Variants in IGFBP5 observed in about 807,000 individuals in gnomAD.
IGFBP5 encodes insulin like growth factor binding protein 5, also known as insulin-like growth factor-binding protein 5.
IGFBP5 carries 12 observed loss-of-function variants against 28.0 expected under a neutral mutation model. That is an observed-to-expected ratio of 0.43 (90% CI 0.27 to 0.69). The LOEUF (loss-of-function observed/expected upper bound fraction) is 0.69, where lower values mean the gene tolerates loss of function less well. Among genes scored for constraint, IGFBP5 ranks in the 30% least tolerant of loss-of-function variants. IGFBP5 has a pLI of 0.20. For synonymous variants in IGFBP5, 152 were observed against 150.2 expected (o/e 1.01, Z -0.09); for missense variants, 344 against 381.6 (o/e 0.90, Z 0.82).
Position 216,674,685 on chromosome 2 carries a change from A to T in IGFBP5, c.*2066T>A, listed in dbSNP as rs956261124. Reference sequence around the variant, plus strand: ...CACAAGGCCACCCATTGGTTGAGGAAGTCATTGGAGAATGGGAGTTTCGGA... The same window carrying T: ...CACAAGGCCACCCATTGGTTGAGGATGTCATTGGAGAATGGGAGTTTCGGA... On this transcript the variant is annotated 3_prime_UTR_variant, in exon 4 of 4. Coordinates refer to ENST00000233813, the MANE Select transcript of IGFBP5 (RefSeq NM_000599.4). This position sits in a 1 kb window ranked among gnomAD's most constrained non-coding sequence, Gnocchi z 4.4. 6.6e-6 allele frequency: 1 copy of T among 152,190 alleles called. No homozygotes were observed. Among genetic ancestry groups the T allele is most frequent in the Non-Finnish European group, 1.5e-5 (1 of 68,058 alleles). 9.4% of individuals were successfully genotyped at this position (152,190 alleles called of 1,614,324 possible).
chr2:216,690,284 G>A (rs1044935168), intron 1 of IGFBP5, among the ~76,000 whole-genome samples: 3 of 152,070 alleles, frequency 2.0e-5, no homozygotes, highest in Non-Finnish European at 4.4e-5. Context: ...TTGACTCAAC[G>A]CAGCCATTCT....
At chr2:216,690,909 G>T (rs1385149973) in intron 1 of IGFBP5, among the ~76,000 whole-genome samples, 1 of 133,382 alleles carries the variant, frequency 7.5e-6, no homozygotes, top group Non-Finnish European at 1.6e-5. Context: ...GGGCGGGGGC[G>T]GTGGGCGGAG....
intron 1 of IGFBP5, among the ~76,000 whole-genome samples, chr2:216,688,833 G>C (rs1221056330): frequency 6.6e-6 from 1 of 152,164 alleles, no homozygotes; most frequent in Non-Finnish European, 1.5e-5. Flanking sequence ...TATCTTATCT[G>C]CCTCCTTCCT....
Position 216,684,884 on chromosome 2 carries a change from C to T in IGFBP5, c.338-5805G>A, listed in dbSNP as rs532919212. On this transcript the variant is annotated intron_variant, in intron 1 of 3. Coordinates refer to ENST00000233813, the MANE Select transcript of IGFBP5 (RefSeq NM_000599.4). ...CTGCCCTGGAGCAAGATAACCCTGC[C>T]GCAGGGCACAGGGAAGCAGACAGAT... Among the ~76,000 whole-genome samples the T allele has an allele frequency of 1.3e-3, 197 of 152,286 alleles. 2 individuals carry two copies. Among genetic ancestry groups the T allele is most frequent in the Middle Eastern group, 3.4e-3 (1 of 294 alleles).
At position 216,695,091 on chromosome 2, in the gene IGFBP5, G is replaced by GA. The variant is rs377766227; in HGVS notation, c.-317dup. On this transcript the variant is annotated 5_prime_UTR_variant, in exon 1 of 4. Coordinates refer to ENST00000233813, the MANE Select transcript of IGFBP5 (RefSeq NM_000599.4). ...GCCTGAGCGGGTCAGAATTATAGGG[G>GA]AAAAAAAGCCACAAAATTGTTCACC... 1.9e-5 allele frequency: 5 copies of GA among 259,928 alleles called. No individual in the cohort carries two copies. Among genetic ancestry groups the GA allele is most frequent in the Non-Finnish European group, 3.6e-5 (5 of 138,558 alleles). The allele number at this position is 259,928 out of a possible 1,614,324, so 16.1% of individuals were successfully genotyped here. A position where few individuals can be genotyped will look rare whatever the true frequency, so the allele number is the denominator to read the frequency against.
Position 216,682,382 on chromosome 2 carries a change from G to A in IGFBP5, c.338-3303C>T, listed in dbSNP as rs181619323. Among the ~76,000 whole-genome samples the A allele has an allele frequency of 2.5e-3, 375 of 152,292 alleles. 2 individuals carry two copies. The highest frequency in any genetic ancestry group is 8.7e-3 in the African/African-American group (360 of 41,560). On this transcript the variant is annotated intron_variant, in intron 1 of 3. Transcript: ENST00000233813. The stretch of plus-strand genomic sequence containing the variant: ...GCTGAGTGCCAGAAGCAGCCAGCCC[G>A]ACTCAGCTGCTCTGTGGCTGAGTCA...
At position 216,694,802 on chromosome 2, in the gene IGFBP5, G is replaced by A. The variant is rs1689148909; in HGVS notation, c.-27C>T. 1.2e-5 allele frequency: 17 copies of A among 1,371,838 alleles called. No individual in the cohort carries two copies. Among genetic ancestry groups the A allele is most frequent in the Non-Finnish European group, 1.4e-5 (15 of 1,063,350 alleles). 85.0% of individuals were successfully genotyped at this position (1,371,838 alleles called of 1,614,324 possible). On this transcript the variant is annotated 5_prime_UTR_variant, in exon 1 of 4. Transcript: ENST00000233813. This position sits in a 1 kb window ranked among gnomAD's most constrained non-coding sequence, Gnocchi z 5.2. ...TTCTCTTAGTCGCCCCCTTTACCTC[G>A]GGGTGGGGCAGGAGAGCGAGAGTGC...
rs2106226424 is a variant in IGFBP5 at position 216,692,185 on chromosome 2, C to T, written c.337+2254G>A. On this transcript the variant is annotated intron_variant, in intron 1 of 3. Coordinates refer to ENST00000233813, the MANE Select transcript of IGFBP5 (RefSeq NM_000599.4). The surrounding 1 kb of genome is among the most constrained non-coding windows in gnomAD (Gnocchi z 4.2). ...ACCAGCAGCGGTGGAGCGCCGCCAACCCGCAACAGCAGCCGGCCGGGCACC... is the reference window on the plus strand; with the variant it reads ...ACCAGCAGCGGTGGAGCGCCGCCAATCCGCAACAGCAGCCGGCCGGGCACC... Among the ~76,000 whole-genome samples, 1 of 152,192 alleles carries T rather than the reference C, an allele frequency of 6.6e-6. No homozygotes were observed. Among genetic ancestry groups the T allele is most frequent in the African/African-American group, 2.4e-5 (1 of 41,532 alleles).
rs1210621044 is a variant in IGFBP5, at chr2:216,679,248, G to A, written c.338-169C>T. On this transcript the variant is annotated intron_variant, in intron 1 of 3. Coordinates refer to ENST00000233813, the MANE Select transcript of IGFBP5 (RefSeq NM_000599.4). The surrounding 1 kb of genome is among the most constrained non-coding windows in gnomAD (Gnocchi z 4.6). ...AGGGGGATAAGAACCAGGAAGCAGA[G>A]GGAATGCTCATTTAAGTGGCAGGAA... is the stretch of plus-strand genomic sequence containing the variant. The A allele has an allele frequency of 4.6e-6, 3 of 652,520 alleles. No individual in the cohort carries two copies. Among genetic ancestry groups the A allele is most frequent in the Non-Finnish European group, 8.4e-6 (3 of 357,974 alleles). The allele number at this position is 652,520 out of a possible 1,614,324, so 40.4% of individuals were successfully genotyped here.
chr2:216,695,071 A>C lies in IGFBP5; in HGVS notation c.-296T>G, dbSNP rs1439817199. 3.3e-6 allele frequency: 1 copy of C among 306,514 alleles called. No homozygotes were observed. The highest frequency in any genetic ancestry group is 2.1e-5 in the African/African-American group (1 of 46,716). 19.0% of individuals were successfully genotyped at this position (306,514 alleles called of 1,614,324 possible). A position where few individuals can be genotyped will look rare whatever the true frequency, so the allele number is the denominator to read the frequency against. On this transcript the variant is annotated 5_prime_UTR_variant, in exon 1 of 4. Transcript: ENST00000233813. The stretch of plus-strand genomic sequence containing the variant: ...GAGGCCGGAGAAACCCTCAAGCCTG[A>C]GCGGGTCAGAATTATAGGGGAAAAA...
At chr2:216,688,876 C>T (rs1329623433) in intron 1 of IGFBP5, among the ~76,000 whole-genome samples, 1 of 152,156 alleles carries the variant, frequency 6.6e-6, no homozygotes, top group East Asian at 1.9e-4. Flanking sequence ...GCCACGGCCT[C>T]CAGGATGTAT....
Position 216,676,086 on chromosome 2 carries a change from A to C in IGFBP5, c.*665T>G, listed in dbSNP as rs1210759046. The C allele has an allele frequency of 1.3e-5, 2 of 152,614 alleles. No individual in the cohort carries two copies. The highest frequency in any genetic ancestry group is 3.8e-4 in the East Asian group (2 of 5,196). 9.5% of individuals were successfully genotyped at this position (152,614 alleles called of 1,614,324 possible). On this transcript the variant is annotated 3_prime_UTR_variant, in exon 4 of 4. Transcript: ENST00000233813. ...TTTGTTTTGCTTTCAGAGGAATGGA[A>C]TGCATTTTAGTTTTTATAAATTTGG...
At position 216,694,380 on chromosome 2, in the gene IGFBP5, C is replaced by A. The variant is rs577266382; in HGVS notation, c.337+59G>T. The A allele has an allele frequency of 1.4e-6, 2 of 1,391,434 alleles. No individual in the cohort carries two copies. Among genetic ancestry groups the A allele is most frequent in the East Asian group, 2.7e-5 (1 of 36,422 alleles). 86.2% of individuals were successfully genotyped at this position (1,391,434 alleles called of 1,614,324 possible). A position where few individuals can be genotyped will look rare whatever the true frequency, so the allele number is the denominator to read the frequency against. Reference sequence around the variant, plus strand: ...GCTGCGCAAAGCGCGCGGGCCCAGCCGGTCTCGTGTCCCCCGCCCGTGCGC... The same window carrying A: ...GCTGCGCAAAGCGCGCGGGCCCAGCAGGTCTCGTGTCCCCCGCCCGTGCGC... On this transcript the variant is annotated intron_variant, in intron 1 of 3. Coordinates refer to ENST00000233813, the MANE Select transcript of IGFBP5 (RefSeq NM_000599.4). The surrounding 1 kb of genome is among the most constrained non-coding windows in gnomAD (Gnocchi z 5.2).
rs11575124 is a variant in IGFBP5, at chr2:216,694,779, C to G, written c.-4G>C. On this transcript the variant is annotated 5_prime_UTR_variant, in exon 1 of 4. Coordinates refer to ENST00000233813, the MANE Select transcript of IGFBP5 (RefSeq NM_000599.4). The surrounding 1 kb of genome is among the most constrained non-coding windows in gnomAD (Gnocchi z 5.2). ...GGACCGCGGTGAGCAACACCATCTT[C>G]TCTTAGTCGCCCCCTTTACCTCGGG... is the stretch of plus-strand genomic sequence containing the variant. 16 of 1,398,640 alleles carry G rather than the reference C, an allele frequency of 1.1e-5. No individual in the cohort carries two copies. The highest frequency in any genetic ancestry group is 3.0e-5 in the African/African-American group (2 of 66,086). The allele number at this position is 1,398,640 out of a possible 1,614,324, so 86.6% of individuals were successfully genotyped here.
At chr2:216,680,073 C>G (rs914365042) in intron 1 of IGFBP5, among the ~76,000 whole-genome samples, 21 of 152,210 alleles carry the variant, frequency 1.4e-4, no homozygotes, top group African/African-American at 5.1e-4. Flanking sequence ...CCTCTCAGAT[C>G]CTTGACCTCC....
Position 216,678,913 on chromosome 2 carries a change from T to G in IGFBP5, c.504A>C (p.Gly168=). ...KKLTQSKFVG[G]AENTAHPRII... is the part of the protein sequence containing the mutation. The stretch of plus-strand genomic sequence containing the variant: ...TCCGGGGGTGGGCAGTGTTCTCGGC[T>G]CCCCCGACAAACTTGGACTGGGTCA... Residue 168 remains glycine (G), a synonymous_variant, in exon 2 of 4, where the codon GGA becomes GGC. Transcript: ENST00000233813. 6.2e-7 allele frequency: 1 copy of G among 1,614,068 alleles called. No homozygotes were observed. The highest frequency in any genetic ancestry group is 8.5e-7 in the Non-Finnish European group (1 of 1,180,018).
intron 1 of IGFBP5, among the ~76,000 whole-genome samples, chr2:216,690,877 G>T (rs1559189055): frequency 7.1e-6 from 1 of 140,772 alleles, no homozygotes; most frequent in East Asian, 2.5e-4. Context: ...GAAAGGTGGG[G>T]GAGGGGGGGC....
chr2:216,693,815 C>T (rs180983581), intron 1 of IGFBP5, among the ~76,000 whole-genome samples: 208 of 152,044 alleles, frequency 1.4e-3, no homozygotes, highest in African/African-American at 4.7e-3. Context: ...AATGGTTATG[C>T]ACATGGGAGG....
intron 2 of IGFBP5, 29 bp from the exon 3 acceptor site, chr2:216,678,260 G>A: frequency 6.7e-7 from 1 of 1,496,216 alleles, no homozygotes; most frequent in Non-Finnish European, 9.0e-7. Flanking sequence ...GAGAGGCGTG[G>A]CGAGACCAAG....
Sources: gnomAD v4.1 joint callset for allele counts (sites outside exome capture counted in the v4.1 genomes callset) on GRCh38, gnomAD v4.1.1 for gene constraint, Gnocchi (gnomAD v3.1) non-coding constraint, MANE v1.5 for transcripts, NCBI Gene and HGNC (gene_info 2026-07-23, HGNC 2026-07-21) for gene names.